The following RPS6KA1 variants were observed in gnomAD, a reference collection of about 807,000 sequenced individuals.
RPS6KA1 encodes the protein ribosomal protein S6 kinase alpha-1.
Under a neutral mutation model 91.3 loss-of-function variants are expected in RPS6KA1, and 48 were observed. That is an observed-to-expected ratio of 0.53 (90% CI 0.42 to 0.67). RPS6KA1 has a LOEUF of 0.67. Among genes scored for constraint, RPS6KA1 ranks in the 30% least tolerant of loss-of-function variants. The probability of loss-of-function intolerance (pLI) is 0.00; values close to 1 mark genes in which losing one functional copy is unlikely to be tolerated. For synonymous variants in RPS6KA1, 359 were observed against 384.7 expected (o/e 0.93, Z 0.78); for missense variants, 719 against 960.5 (o/e 0.75, Z 3.32).
chr1:26,530,804 C>G, intron 1 of RPS6KA1: 1 of 1,288,782 alleles, frequency 7.8e-7, no homozygotes, highest in Non-Finnish European at 1.0e-6. Flanking sequence ...GTGCAGAAGG[C>G]CACCTCTTCC....
At chr1:26,543,078 C>T in intron 2 of RPS6KA1, 1 of 1,435,656 alleles carries the variant, frequency 7.0e-7, no homozygotes, top group Non-Finnish European at 9.4e-7. Flanking sequence ...GGGCCAGAGA[C>T]CCTGCCTTCT....
rs943421130 is a variant in RPS6KA1 at position 26,561,440 on chromosome 1, G to A, written c.1432-65G>A. On this transcript the variant is annotated intron_variant, in intron 16 of 21. Transcript: ENST00000374168. The surrounding 1 kb of genome is among the most constrained non-coding windows in gnomAD (Gnocchi z 5.7). ...ATGTCATTCTTCCCTGCTCTGGGGC[G>A]CTGCTGACCAGGGGGCTCAGGCCTG... 1.5e-5 allele frequency: 24 copies of A among 1,599,748 alleles called. No individual in the cohort carries two copies. Among genetic ancestry groups the A allele is most frequent in the East Asian group, 1.1e-4 (5 of 44,800 alleles).
chr1:26,538,894 T>C (rs1437490515), intron 2 of RPS6KA1, among the ~76,000 whole-genome samples: 1 of 152,216 alleles, frequency 6.6e-6, no homozygotes, highest in Non-Finnish European at 1.5e-5. Context: ...GCGCTCAACC[T>C]GTGGTCCGGA....
intron 2 of RPS6KA1, among the ~76,000 whole-genome samples, chr1:26,537,596 G>A (rs888054572): frequency 4.6e-5 from 7 of 152,170 alleles, no homozygotes; most frequent in African/African-American, 1.7e-4. Context: ...TGTGACCTTG[G>A]GGAGGTTCCT....
chr1:26,543,071 C>T lies in RPS6KA1; in HGVS notation c.109-3796C>T, dbSNP rs1030263944. ...GAGGGGGAAGTGAGAAGGAGGGGGG[C>T]CAGAGACCCTGCCTTCTGGGCCAGG... On this transcript the variant is annotated intron_variant, in intron 2 of 21. Coordinates refer to ENST00000374168, the MANE Select transcript of RPS6KA1 (RefSeq NM_002953.4). 3.6e-6 allele frequency: 5 copies of T among 1,386,872 alleles called. No homozygotes were observed. The South Asian group carries it at 6.3e-5, about 17-fold the overall frequency. The allele number at this position is 1,386,872 out of a possible 1,614,324, so 85.9% of individuals were successfully genotyped here.
At chr1:26,556,912 C>G in intron 12 of RPS6KA1, 86 bp from the exon 13 acceptor site, 1 of 1,242,220 alleles carries the variant, frequency 8.1e-7, no homozygotes, top group Non-Finnish European at 1.2e-6. Context: ...GGCCTATGTT[C>G]CAAGCCCAGC....
rs2075936062 is a variant in RPS6KA1, at chr1:26,540,132, G to C, written c.108+3163G>C. 6.6e-6 allele frequency among the ~76,000 whole-genome samples: 1 copy of C among 152,160 alleles called. No homozygotes were observed. The highest frequency in any genetic ancestry group is 6.5e-5 in the Admixed American group (1 of 15,278). On this transcript the variant is annotated intron_variant, in intron 2 of 21. Coordinates refer to ENST00000374168, the MANE Select transcript of RPS6KA1 (RefSeq NM_002953.4). This position sits in a 1 kb window ranked among gnomAD's most constrained non-coding sequence, Gnocchi z 4.2. The stretch of plus-strand genomic sequence containing the variant: ...GGCTCTGTCCCTTCAGCCTGCCCAG[G>C]GGAGACCCCACAGCAGTAAGACTAA...
intron 2 of RPS6KA1, among the ~76,000 whole-genome samples, chr1:26,541,550 C>A (rs1032104604): frequency 6.6e-6 from 1 of 152,076 alleles, no homozygotes; most frequent in Admixed American, 6.6e-5. Flanking sequence ...GTGAGACTCC[C>A]TCTCAAAGAA....
In RPS6KA1 at chr1:26,554,551, A is replaced by G. The variant is rs2076081996; in HGVS notation, c.614-45A>G. ...GGGTGTGCAAAGGGTGGCAGCAAGG[A>G]AGGCAGGGGTCCTAAGGTGTGTCCT... On this transcript the variant is annotated intron_variant, in intron 8 of 21. Coordinates refer to ENST00000374168, the MANE Select transcript of RPS6KA1 (RefSeq NM_002953.4). This position sits in a 1 kb window ranked among gnomAD's most constrained non-coding sequence, Gnocchi z 4.6. 6.4e-7 allele frequency: 1 copy of G among 1,570,370 alleles called. No homozygotes were observed. Among genetic ancestry groups the G allele is most frequent in the Non-Finnish European group, 8.7e-7 (1 of 1,152,236 alleles).
At chr1:26,548,027 G>A (rs565731057) in intron 4 of RPS6KA1, among the ~76,000 whole-genome samples, 1 of 152,184 alleles carries the variant, frequency 6.6e-6, no homozygotes, top group Non-Finnish European at 1.5e-5. Flanking sequence ...AATGAGCTGG[G>A]TGTGGTGGTG....
chr1:26,566,822 C>G (rs1221741825), intron 17 of RPS6KA1, among the ~76,000 whole-genome samples: 1 of 152,100 alleles, frequency 6.6e-6, no homozygotes, highest in East Asian at 1.9e-4. Context: ...GTTATGGACT[C>G]TATAATAGAG....
chr1:26,569,289 G>A (rs1001828687), intron 17 of RPS6KA1, among the ~76,000 whole-genome samples: 6 of 152,186 alleles, frequency 3.9e-5, no homozygotes, highest in Admixed American at 6.6e-5. Context: ...GATCACGACT[G>A]GTAACATTCT....
Position 26,554,864 on chromosome 1 carries a change from C to T in RPS6KA1, c.756+126C>T. 7.8e-7 allele frequency: 1 copy of T among 1,285,562 alleles called. No homozygotes were observed. The highest frequency in any genetic ancestry group is 1.1e-6 in the Non-Finnish European group (1 of 928,628). The allele number at this position is 1,285,562 out of a possible 1,614,324, so 79.6% of individuals were successfully genotyped here. ...TCTCCTCTCACAGCCAAGCTGGCCTCACCCTATATGCACCTGCAGTTTTCT... is the reference window on the plus strand; with the variant it reads ...TCTCCTCTCACAGCCAAGCTGGCCTTACCCTATATGCACCTGCAGTTTTCT... On this transcript the variant is annotated intron_variant, in intron 9 of 21. Coordinates refer to ENST00000374168, the MANE Select transcript of RPS6KA1 (RefSeq NM_002953.4). The surrounding 1 kb of genome is among the most constrained non-coding windows in gnomAD (Gnocchi z 4.6).
At chr1:26,557,242 C>A in intron 13 of RPS6KA1, 142 bp downstream of exon 13, 1 of 643,296 alleles carries the variant, frequency 1.6e-6, no homozygotes, top group South Asian at 1.8e-5. Context: ...TTTCTGGCTC[C>A]GTGGGACTGA....
Position 26,571,484 on chromosome 1 carries a change from G to A in RPS6KA1, c.1626G>A (p.Leu542=), listed in dbSNP as rs200312178. The A allele has an allele frequency of 6.2e-7, 1 of 1,614,198 alleles. No homozygotes were observed. The highest frequency in any genetic ancestry group is 8.5e-7 in the Non-Finnish European group (1 of 1,180,030). The change falls in exon 18 of 22, where the codon CTG becomes CTA. Residue 542 remains leucine, a synonymous_variant. Transcript: ENST00000374168. The surrounding 1 kb of genome is among the most constrained non-coding windows in gnomAD (Gnocchi z 5.1). ...GGGACCTGAAGCCCAGCAACATCCT[G>A]TATGTGGACGAGTCCGGGAATCCCG... ...VHRDLKPSNI[L]YVDESGNPEC... is the part of the protein sequence containing the mutation.
chr1:26,572,372 A>T (rs1318009442), intron 20 of RPS6KA1, 79 bp downstream of exon 20: 2 of 904,410 alleles, frequency 2.2e-6, no homozygotes, highest in Non-Finnish European at 3.7e-6. Flanking sequence ...GCAGTTCATG[A>T]ACAGCCTCAT....
Position 26,529,971 on chromosome 1 carries a change from T to G in RPS6KA1, c.51T>G (p.Pro17=), listed in dbSNP as rs11800553. ...CCTGGCCGCTCATGGAGCTAGTGCC[T>G]CTGGACCCGGAGGTGAGTGAGCGGG... ...KEPWPLMELV[P]LDPENGQTSG... is the part of the protein sequence containing the mutation. The change falls in exon 1 of 22, where the codon CCT becomes CCG. Residue 17 remains proline (P), a synonymous_variant. Transcript: ENST00000374168. The surrounding 1 kb of genome is among the most constrained non-coding windows in gnomAD (Gnocchi z 4.2). 0.95 allele frequency: 1,344,985 copies of G among 1,415,700 alleles called. 639,172 individuals carry two copies. The highest frequency in any genetic ancestry group is 0.96 in the East Asian group (29,458 of 30,762). 87.7% of individuals were successfully genotyped at this position (1,415,700 alleles called of 1,614,324 possible).
At chr1:26,543,133 G>A in intron 2 of RPS6KA1, 1 of 1,535,428 alleles carries the variant, frequency 6.5e-7, no homozygotes, top group Non-Finnish European at 8.7e-7. Context: ...GAGTAACGGG[G>A]CCCTCTGGTC....
chr1:26,545,842 A>C, intron 2 of RPS6KA1: 1 of 1,494,288 alleles, frequency 6.7e-7, no homozygotes, highest in African/African-American at 1.4e-5. Flanking sequence ...CCCGGCCACC[A>C]CTGCGGCAGC....
Sources: allele counts gnomAD v4.1 joint callset (sites outside exome capture counted in the v4.1 genomes callset), GRCh38; gene constraint gnomAD v4.1.1; non-coding constraint Gnocchi (gnomAD v3.1); transcripts MANE v1.5; gene names NCBI Gene and HGNC (gene_info 2026-07-23, HGNC 2026-07-21).